Variants in SPMIP2 observed in about 807,000 individuals in gnomAD.
SPMIP2 encodes protein SPMIP2.
the SPMIP2 span, among the ~76,000 whole-genome samples, chr4:158,988,205 G>C: frequency 6.6e-6 from 1 of 152,076 alleles, no homozygotes; most frequent in East Asian, 1.9e-4. Context: ...GCAGTCAAAT[G>C]CCTGAATAGA....
the SPMIP2 span, among the ~76,000 whole-genome samples, chr4:159,005,056 C>T: frequency 2.6e-5 from 4 of 151,902 alleles, no homozygotes; most frequent in African/African-American, 2.4e-5. Flanking sequence ...CATGGTGAAA[C>T]CCCATCTCTA....
chr4:159,078,150 C>T, the SPMIP2 span, among the ~76,000 whole-genome samples: 3 of 152,088 alleles, frequency 2.0e-5, no homozygotes, highest in Admixed American at 6.5e-5. Context: ...GGGGGAAAAT[C>T]GGAAAGAACA....
At chr4:159,011,812 C>T in the SPMIP2 span, among the ~76,000 whole-genome samples, 1 of 150,814 alleles carries the variant, frequency 6.6e-6, no homozygotes, top group Non-Finnish European at 1.5e-5. Context: ...GTAATCCCAG[C>T]ACTTTGGGAG....
At chr4:159,042,944 G>A in the SPMIP2 span, among the ~76,000 whole-genome samples, 6 of 151,894 alleles carry the variant, frequency 4.0e-5, no homozygotes, top group African/African-American at 7.3e-5. Context: ...ATTACAGGCT[G>A]TCATCTACCG....
chr4:159,065,609 T>C, the SPMIP2 span, among the ~76,000 whole-genome samples: 2 of 152,140 alleles, frequency 1.3e-5, no homozygotes, highest in African/African-American at 4.8e-5. Flanking sequence ...TCCCATCTAC[T>C]TGGGAGGCTG....
At chr4:159,052,619 T>G in the SPMIP2 span, among the ~76,000 whole-genome samples, 2 of 150,858 alleles carry the variant, frequency 1.3e-5, no homozygotes, top group African/African-American at 4.8e-5. Flanking sequence ...ACTATTATTA[T>G]TATTATTATT....
the SPMIP2 span, among the ~76,000 whole-genome samples, chr4:158,961,685 A>T: frequency 2.6e-5 from 4 of 152,036 alleles, no homozygotes; most frequent in African/African-American, 7.2e-5. Context: ...GCATCTTCTT[A>T]ATTGGGGAAG....
At chr4:158,974,576 A>G in the SPMIP2 span, among the ~76,000 whole-genome samples, 2 of 151,156 alleles carry the variant, frequency 1.3e-5, no homozygotes, top group African/African-American at 4.9e-5. Context: ...TCTGTTCCTG[A>G]GTTACTTTGC....
At chr4:158,977,222 G>A in the SPMIP2 span, among the ~76,000 whole-genome samples, 4 of 152,200 alleles carry the variant, frequency 2.6e-5, no homozygotes, top group East Asian at 7.7e-4. Flanking sequence ...GAATCTGTCT[G>A]GTCCTGGACT....
At chr4:158,909,766 G>C in the SPMIP2 span, among the ~76,000 whole-genome samples, 1 of 152,072 alleles carries the variant, frequency 6.6e-6, no homozygotes, top group Non-Finnish European at 1.5e-5. Flanking sequence ...TTTGGGGCTG[G>C]ACGCAATGGC....
chr4:158,991,197 G>A, the SPMIP2 span, among the ~76,000 whole-genome samples: 2 of 148,846 alleles, frequency 1.3e-5, no homozygotes, highest in Non-Finnish European at 3.0e-5. Context: ...CAAAGCCCCA[G>A]AACCAAAATG....
At chr4:158,985,965 T>A in the SPMIP2 span, among the ~76,000 whole-genome samples, 66 of 147,666 alleles carry the variant, frequency 4.5e-4, no homozygotes, top group African/African-American at 1.6e-3. Flanking sequence ...TGTACAAAAA[T>A]CACAAGCATT....
the SPMIP2 span, among the ~76,000 whole-genome samples, chr4:158,913,002 CTCGTG>C: frequency 6.6e-6 from 1 of 152,114 alleles, no homozygotes; most frequent in Admixed American, 6.5e-5. Context: ...CCTGAACCCA[CTCGTG>C]AGGAAACATC....
At chr4:159,018,952 T>C in the SPMIP2 span, among the ~76,000 whole-genome samples, 1 of 151,998 alleles carries the variant, frequency 6.6e-6, no homozygotes, top group African/African-American at 2.4e-5. Context: ...TAGCTGGGCA[T>C]GGTGGCGGGC....
chr4:158,966,620 A>G, the SPMIP2 span, among the ~76,000 whole-genome samples: 1 of 152,206 alleles, frequency 6.6e-6, no homozygotes, highest in African/African-American at 2.4e-5. Flanking sequence ...CATATCCTTA[A>G]TTACTAACTT....
the SPMIP2 span, among the ~76,000 whole-genome samples, chr4:159,002,997 T>C: frequency 5.9e-5 from 9 of 152,212 alleles, no homozygotes; most frequent in East Asian, 1.3e-3. Flanking sequence ...AAAACGTCAT[T>C]TTCTATGAAA....
chr4:158,894,663 A>G, the SPMIP2 span, among the ~76,000 whole-genome samples: 2 of 152,064 alleles, frequency 1.3e-5, no homozygotes, highest in African/African-American at 4.8e-5. Context: ...AAAATTTTCT[A>G]TTTCACTCCA....
the SPMIP2 span, among the ~76,000 whole-genome samples, chr4:159,045,266 T>TA: frequency 2.0e-5 from 3 of 152,216 alleles, no homozygotes; most frequent in Non-Finnish European, 4.4e-5. Flanking sequence ...CTAATTACTA[T>TA]AAAAAGTTTA....
the SPMIP2 span, among the ~76,000 whole-genome samples, chr4:159,071,503 A>C: frequency 6.6e-6 from 1 of 152,192 alleles, no homozygotes; most frequent in South Asian, 2.1e-4. Flanking sequence ...AAAGCAACAC[A>C]GCGATTTCTT....
Sources: gnomAD v4.1 joint callset for allele counts (sites outside exome capture counted in the v4.1 genomes callset) on GRCh38, gnomAD v4.1.1 for gene constraint, MANE v1.5 for transcripts, NCBI Gene and HGNC (gene_info 2026-07-23, HGNC 2026-07-21) for gene names.